Variants in PLCB4 observed in about 807,000 individuals in gnomAD.
PLCB4 encodes phospholipase C beta 4.
PLCB4 carries 77 observed loss-of-function variants against 178.8 expected under a neutral mutation model. The observed-to-expected ratio is 0.43, with a 90% CI of 0.36 to 0.52. The LOEUF (loss-of-function observed/expected upper bound fraction) is 0.52, where lower values mean the gene tolerates loss of function less well. Ranked by LOEUF, PLCB4 falls within the 20% of genes least tolerant of loss-of-function variation. PLCB4 has a pLI of 0.00. For synonymous variants in PLCB4, 496 were observed against 490.8 expected (o/e 1.01, Z -0.14); for missense variants, 1,024 against 1,453.4 (o/e 0.70, Z 4.80).
At chr20:9,112,591 T>C (rs1163162053) in intron 2 of PLCB4, among the ~76,000 whole-genome samples, 2 of 152,114 alleles carry the variant, frequency 1.3e-5, no homozygotes, top group Non-Finnish European at 2.9e-5. Flanking sequence ...TCACACTGAT[T>C]GATAATGGTC....
chr20:9,377,807 T>C (rs1362295094), intron 12 of PLCB4, among the ~76,000 whole-genome samples: 1 of 152,186 alleles, frequency 6.6e-6, no homozygotes, highest in Non-Finnish European at 1.5e-5. Flanking sequence ...CTTCTATCCT[T>C]GTGAGACTTA....
At chr20:9,343,224 A>G (rs185025097) in intron 7 of PLCB4, among the ~76,000 whole-genome samples, 1 of 151,764 alleles carries the variant, frequency 6.6e-6, no homozygotes, top group Admixed American at 6.6e-5. Flanking sequence ...CTAGGCTCTT[A>G]TTACACTTAA....
intron 3 of PLCB4, among the ~76,000 whole-genome samples, chr20:9,283,347 T>C (rs2094511108): frequency 6.6e-6 from 1 of 151,978 alleles, no homozygotes; most frequent in Non-Finnish European, 1.5e-5. Flanking sequence ...CAAAATCCAT[T>C]GAGGCCTTTC....
chr20:9,180,068 T>A (rs1310011303), intron 2 of PLCB4, among the ~76,000 whole-genome samples: 4 of 152,200 alleles, frequency 2.6e-5, no homozygotes, highest in Non-Finnish European at 4.4e-5. Flanking sequence ...TTCTAAATGC[T>A]AGACATAAAT....
At chr20:9,450,663 T>C (rs1039632981) in intron 32 of PLCB4, among the ~76,000 whole-genome samples, 43 of 141,376 alleles carry the variant, frequency 3.0e-4, no homozygotes, top group African/African-American at 6.7e-4. Context: ...CTTTTCTTTT[T>C]TTTTTTTTTT....
intron 4 of PLCB4, among the ~76,000 whole-genome samples, chr20:9,326,588 G>A (rs1057069698): frequency 4.6e-5 from 7 of 152,196 alleles, no homozygotes; most frequent in African/African-American, 1.4e-4. Flanking sequence ...GTGCTCTGTC[G>A]TGTCAGGGAG....
intron 3 of PLCB4, among the ~76,000 whole-genome samples, chr20:9,300,955 AG>A (rs1259875462): frequency 6.6e-6 from 1 of 151,982 alleles, no homozygotes; most frequent in Non-Finnish European, 1.5e-5. Context: ...AGGTATTTTC[AG>A]GGCCACATTT....
chr20:9,111,806 C>G (rs1411523886), intron 2 of PLCB4, among the ~76,000 whole-genome samples: 1 of 152,172 alleles, frequency 6.6e-6, no homozygotes, highest in East Asian at 1.9e-4. Flanking sequence ...CCAAGTAACT[C>G]TCATAAAACA....
intron 3 of PLCB4, among the ~76,000 whole-genome samples, chr20:9,232,552 T>C (rs1038099639): frequency 6.6e-6 from 1 of 152,132 alleles, no homozygotes; most frequent in South Asian, 2.1e-4. Context: ...ATCTTCTAAA[T>C]TAAAACCAAA....
intron 2 of PLCB4, among the ~76,000 whole-genome samples, chr20:9,172,368 C>T (rs976670391): frequency 2.0e-5 from 3 of 152,132 alleles, no homozygotes; most frequent in Non-Finnish European, 4.4e-5. Context: ...TCCTACCTAT[C>T]CTTGAAAGTT....
chr20:9,198,765 A>G (rs1317507432), intron 2 of PLCB4, among the ~76,000 whole-genome samples: 3 of 152,194 alleles, frequency 2.0e-5, no homozygotes, highest in Non-Finnish European at 4.4e-5. Flanking sequence ...GATGGGAATG[A>G]TTAAGATTGT....
chr20:9,179,145 G>A (rs544496622), intron 2 of PLCB4, among the ~76,000 whole-genome samples: 1 of 152,282 alleles, frequency 6.6e-6, no homozygotes, highest in Admixed American at 6.5e-5. Context: ...GGATATCACT[G>A]AAGGATTTTG....
chr20:9,129,585 T>C (rs1048528486), intron 2 of PLCB4, among the ~76,000 whole-genome samples: 13 of 152,164 alleles, frequency 8.5e-5, no homozygotes, highest in African/African-American at 2.9e-4. Context: ...AGGTGCACTG[T>C]GAATATCTAT....
intron 3 of PLCB4, among the ~76,000 whole-genome samples, chr20:9,261,346 C>T (rs758091265): frequency 6.6e-6 from 1 of 152,058 alleles, no homozygotes; most frequent in Non-Finnish European, 1.5e-5. Flanking sequence ...TAAATACTTA[C>T]AGTAATTCTG....
At chr20:9,230,570 A>C (rs531982041) in intron 3 of PLCB4, among the ~76,000 whole-genome samples, 1 of 152,246 alleles carries the variant, frequency 6.6e-6, no homozygotes, top group South Asian at 2.1e-4. Context: ...TAGTGGCTTA[A>C]AACAGTAGCC....
chr20:9,333,216 G>C (rs1016919194), intron 4 of PLCB4, among the ~76,000 whole-genome samples: 6 of 152,036 alleles, frequency 3.9e-5, no homozygotes, highest in Admixed American at 1.3e-4. Flanking sequence ...TGATGTGCTA[G>C]GTGCTAGAAC....
rs577408183 is a variant in PLCB4 at position 9,199,428 on chromosome 20, G to A, written c.-78-17962G>A. ...AACTTTGAGAATAAACCTAAAGGAC[G>A]GTACGTTGAGTATTTGATTCCAAGT... On this transcript the variant is annotated intron_variant, in intron 2 of 39. Coordinates refer to ENST00000378473, the MANE Select transcript of PLCB4 (RefSeq NM_001377142.1). Among the ~76,000 whole-genome samples, 3 of 152,260 alleles carry A rather than the reference G, an allele frequency of 2.0e-5. No individual in the cohort carries two copies. In the South Asian group the frequency reaches 6.2e-4, roughly 32 times the overall value.
At position 9,411,061 on chromosome 20, in the gene PLCB4, G is replaced by A; in HGVS notation, c.2024G>A (p.Gly675Glu). The A allele has an allele frequency of 6.2e-7, 1 of 1,611,558 alleles. No individual in the cohort carries two copies. Among genetic ancestry groups the A allele is most frequent in the Non-Finnish European group, 8.5e-7 (1 of 1,177,828 alleles). The change falls in exon 25 of 40, where the codon GGA becomes GAA. Residue 675 changes from glycine to glutamate, a missense_variant. Physicochemically the swap from Gly to Glu is moderately conservative, Grantham distance 98 (BLOSUM62 -2). This residue lies in a region of PLCB4 where 227 missense variants were observed against 374.3 expected (regional missense o/e 0.61). Transcript: ENST00000378473. ...GATTTAGCGATGCAATTGAATCAGG[G>A]AAAATTTGAGTATAATGGATCGTGC... ...TPDLAMQLNQ[G>E]KFEYNGSCGY...
intron 3 of PLCB4, 142 bp from the exon 4 acceptor site, chr20:9,307,658 G>T (rs1387348817): frequency 9.7e-6 from 5 of 512,968 alleles, no homozygotes; most frequent in Admixed American, 3.6e-5. Context: ...GCAAGTTGGG[G>T]GTCAGACAAA....
Sources: gnomAD v4.1 joint callset for allele counts (sites outside exome capture counted in the v4.1 genomes callset) on GRCh38, gnomAD v4.1.1 for gene constraint, gnomAD v4.1.1 regional missense constraint, MANE v1.5 for transcripts, NCBI Gene and HGNC (gene_info 2026-07-23, HGNC 2026-07-21) for gene names.